The following KCNK2 variants were observed in gnomAD, a reference collection of about 807,000 sequenced individuals.
KCNK2 encodes potassium channel subfamily K member 2.
KCNK2 carries 21 observed loss-of-function variants against 40.5 expected under a neutral mutation model. The observed-to-expected ratio is 0.52, with a 90% CI of 0.37 to 0.75. The LOEUF (loss-of-function observed/expected upper bound fraction) is 0.75, where lower values mean the gene tolerates loss of function less well. Ranked by LOEUF, KCNK2 falls within the 30% of genes least tolerant of loss-of-function variation. KCNK2 has a pLI of 0.00. For missense variants in KCNK2, 399 were observed against 531.6 expected (o/e 0.75, Z 2.45); for synonymous variants, 191 against 202.2 (o/e 0.94, Z 0.47).
At chr1:215,042,789 G>A (rs914644926) in intron 1 of KCNK2, among the ~76,000 whole-genome samples, 1 of 151,982 alleles carries the variant, frequency 6.6e-6, no homozygotes, top group Non-Finnish European at 1.5e-5. Context: ...GACTTATCTT[G>A]CCATTTCCTA....
intron 1 of KCNK2, among the ~76,000 whole-genome samples, chr1:215,014,299 G>T (rs1042298820): frequency 6.6e-6 from 1 of 151,784 alleles, no homozygotes; most frequent in Non-Finnish European, 1.5e-5. Context: ...GCATACTGTT[G>T]GATTAAATTT....
rs978654379 is a variant in KCNK2 at position 215,172,093 on chromosome 1, T to C, written c.733T>C (p.Phe245Leu). 1 of 1,613,646 alleles carries C rather than the reference T, an allele frequency of 6.2e-7. No individual in the cohort carries two copies. The change falls in exon 5 of 7, where the codon TTC (phenylalanine) becomes CTC (leucine). Residue 245 changes from phenylalanine (F) to leucine (L), a missense_variant. Transcript: ENST00000444842. ...CTTTGTGGCTCTGCCTGCGATCATATTCAAACACATAGAAGGCTGGAGTGC... is the reference window on the plus strand; with the variant it reads ...CTTTGTGGCTCTGCCTGCGATCATACTCAAACACATAGAAGGCTGGAGTGC... ...VLFVALPAIIFKHIEGWSALD... is the reference protein window; with the variant it reads ...VLFVALPAIILKHIEGWSALD...
At chr1:215,207,914 G>A (rs1163013470) in intron 6 of KCNK2, among the ~76,000 whole-genome samples, 1 of 152,190 alleles carries the variant, frequency 6.6e-6, no homozygotes, top group Non-Finnish European at 1.5e-5. Flanking sequence ...CTTACACACC[G>A]TTGGTTGGAT....
At chr1:215,093,777 T>TAA (rs1558087893) in intron 2 of KCNK2, among the ~76,000 whole-genome samples, 733 of 13,100 alleles carry the variant, frequency 0.056, 21 homozygotes, top group African/African-American at 0.12. Flanking sequence ...ATAAAATATA[T>TAA]TATATATTAT....
chr1:215,077,367 C>T (rs1558079195), intron 1 of KCNK2, among the ~76,000 whole-genome samples: 1 of 152,166 alleles, frequency 6.6e-6, no homozygotes, highest in Non-Finnish European at 1.5e-5. Flanking sequence ...CACCCACTCC[C>T]CACATCCAAA....
intron 1 of KCNK2, among the ~76,000 whole-genome samples, chr1:215,029,567 AT>A (rs991046967): frequency 7.0e-4 from 103 of 146,988 alleles, no homozygotes; most frequent in African/African-American, 2.4e-3. Flanking sequence ...ATTAATATAT[AT>A]TTAATATATA....
chr1:215,201,541 A>T (rs1388009970), intron 6 of KCNK2, among the ~76,000 whole-genome samples: 1 of 152,218 alleles, frequency 6.6e-6, no homozygotes, highest in Non-Finnish European at 1.5e-5. Context: ...TGGGGAATTG[A>T]GCCATGGCAT....
At chr1:215,220,273 G>A (rs1314134765) in intron 6 of KCNK2, among the ~76,000 whole-genome samples, 2 of 152,032 alleles carry the variant, frequency 1.3e-5, no homozygotes, top group African/African-American at 4.8e-5. Context: ...CTCATCCATG[G>A]TGAAGCTTCT....
chr1:215,054,847 T>A (rs774922649), intron 1 of KCNK2, among the ~76,000 whole-genome samples: 2 of 152,256 alleles, frequency 1.3e-5, no homozygotes, highest in Non-Finnish European at 2.9e-5. Context: ...TTTTCATTTT[T>A]TCTAATGTAT....
intron 6 of KCNK2, among the ~76,000 whole-genome samples, chr1:215,220,535 T>C (rs531565241): frequency 6.6e-6 from 1 of 152,278 alleles, no homozygotes; most frequent in African/African-American, 2.4e-5. Flanking sequence ...CATTTCACTC[T>C]GGTACCATGG....
Position 215,122,097 on chromosome 1 carries a change from T to G in KCNK2, c.358-2536T>G, listed in dbSNP as rs541905619. On this transcript the variant is annotated intron_variant, in intron 2 of 6. Transcript: ENST00000444842. Reference sequence around the variant, plus strand: ...ATTATAATTCAAAGTGGAAAAAAAGTGAAATATTTGGGAATAACCTTATAG... The same window carrying G: ...ATTATAATTCAAAGTGGAAAAAAAGGGAAATATTTGGGAATAACCTTATAG... Among the ~76,000 whole-genome samples, 3 of 152,208 alleles carry G rather than the reference T, an allele frequency of 2.0e-5. No individual in the cohort carries two copies. The East Asian group carries it at 5.8e-4, about 29-fold the overall frequency.
At chr1:215,102,067 G>A (rs1660246179) in intron 2 of KCNK2, among the ~76,000 whole-genome samples, 1 of 151,944 alleles carries the variant, frequency 6.6e-6, no homozygotes, top group Non-Finnish European at 1.5e-5. Context: ...TATACAATAT[G>A]TAATGATTAA....
intron 6 of KCNK2, among the ~76,000 whole-genome samples, chr1:215,214,804 C>A (rs1368618020): frequency 6.6e-6 from 1 of 151,852 alleles, no homozygotes; most frequent in Non-Finnish European, 1.5e-5. Context: ...TCAGCCTGGG[C>A]AGTGGGAGTG....
At chr1:215,064,998 A>T (rs2102510728) in intron 1 of KCNK2, among the ~76,000 whole-genome samples, 1 of 152,268 alleles carries the variant, frequency 6.6e-6, no homozygotes, top group South Asian at 2.1e-4. Flanking sequence ...TGATTTGGGG[A>T]ATCTTTGAAA....
intron 2 of KCNK2, among the ~76,000 whole-genome samples, chr1:215,090,982 G>GA (rs951487513): frequency 2.6e-4 from 40 of 151,610 alleles, no homozygotes; most frequent in Admixed American, 1.1e-3. Context: ...TAAGATGATG[G>GA]AAAAAAAACA....
chr1:215,044,164 G>GT (rs975365613), intron 1 of KCNK2, among the ~76,000 whole-genome samples: 3 of 151,878 alleles, frequency 2.0e-5, no homozygotes, highest in South Asian at 2.1e-4. Context: ...ACTTTAATGT[G>GT]TTTTTTTTCC....
intron 3 of KCNK2, among the ~76,000 whole-genome samples, chr1:215,139,643 C>T (rs1325879305): frequency 1.3e-5 from 2 of 152,018 alleles, no homozygotes; most frequent in African/African-American, 2.4e-5. Context: ...ATTAGCTGGA[C>T]TTGGTGGTGC....
In KCNK2 at chr1:215,083,441, C is replaced by A; in HGVS notation, c.46+10C>A. On this transcript the variant is annotated intron_variant, in intron 1 of 6. Transcript: ENST00000444842. Reference sequence around the variant, plus strand: ...GGCTATAGAGCAGGAGGTGAGACCCCCCCTCCGGTACCCCCACCCCTCTGG... The same window carrying A: ...GGCTATAGAGCAGGAGGTGAGACCCACCCTCCGGTACCCCCACCCCTCTGG... The A allele has an allele frequency of 6.2e-7, 1 of 1,604,358 alleles. No homozygotes were observed. The highest frequency in any genetic ancestry group is 8.5e-7 in the Non-Finnish European group (1 of 1,171,624).
In KCNK2 at chr1:215,062,350, C is replaced by T. The variant is rs1476073960; in HGVS notation, c.35-24018C>T. Among the ~76,000 whole-genome samples the T allele has an allele frequency of 2.0e-5, 3 of 152,094 alleles. No homozygotes were observed. In the East Asian group the frequency reaches 5.9e-4, roughly 30 times the overall value. On this transcript the variant is annotated intron_variant, in intron 1 of 6. Coordinates refer to the KCNK2 transcript ENST00000391895. ...CTGTACTACTTTGGATCAGTTTAAA[C>T]CATTTCAGATATGAAGAAGGCATGT... is the stretch of plus-strand genomic sequence containing the variant.
Sources: allele counts gnomAD v4.1 joint callset (sites outside exome capture counted in the v4.1 genomes callset), GRCh38; gene constraint gnomAD v4.1.1; transcripts MANE v1.5; gene names NCBI Gene and HGNC (gene_info 2026-07-23, HGNC 2026-07-21).